Variants in MED12L observed in about 807,000 individuals in gnomAD.
MED12L encodes mediator of RNA polymerase II transcription subunit 12-like protein.
MED12L carries 60 observed loss-of-function variants against 281.3 expected under a neutral mutation model. That is an observed-to-expected ratio of 0.21 (90% CI 0.17 to 0.26). The LOEUF is 0.26. MED12L is among the 10% of genes least tolerant of loss of function. The pLI is 1.00. For synonymous variants in MED12L, 974 were observed against 987.2 expected, an observed-to-expected ratio of 0.99 and a Z score of 0.25; for missense variants, 2,146 against 2,680.9, an observed-to-expected ratio of 0.80 and a Z score of 4.41.
chr3:151,328,759 T>G (rs1382581297), intron 16 of MED12L: 1 of 1,613,838 alleles, frequency 6.2e-7, no homozygotes, highest in Non-Finnish European at 8.5e-7. Flanking sequence ...CAGAGAGGAT[T>G]TTGAAAGGAA....
chr3:151,315,809 A>T (rs6767266), intron 16 of MED12L, among the ~76,000 whole-genome samples: 1 of 152,112 alleles, frequency 6.6e-6, no homozygotes, highest in African/African-American at 2.4e-5. Context: ...ATATACCTAA[A>T]ATAAAAGCAG....
At chr3:151,149,775 G>T (rs1718209455) in intron 5 of MED12L, among the ~76,000 whole-genome samples, 1 of 152,200 alleles carries the variant, frequency 6.6e-6, no homozygotes, top group Non-Finnish European at 1.5e-5. Context: ...CAAATCCTTT[G>T]TTGTCATTTC....
Position 151,085,761 on chromosome 3 carries a change from G to C in MED12L, c.-305G>C, listed in dbSNP as rs942958809. 1 of 152,008 alleles carries C rather than the reference G, an allele frequency of 6.6e-6. No homozygotes were observed. The highest frequency in any genetic ancestry group is 6.5e-5 in the Admixed American group (1 of 15,268). 9.4% of individuals were successfully genotyped at this position (152,008 alleles called of 1,614,324 possible). A position where few individuals can be genotyped will look rare whatever the true frequency, so the allele number is the denominator to read the frequency against. On this transcript the variant is annotated 5_prime_UTR_variant, in exon 1 of 45. Coordinates refer to ENST00000687756, the MANE Select transcript of MED12L (RefSeq NM_001393769.1). ...CGCCGGCGGCGAGCCGGCGTCGCTC[G>C]CCGCCCCCAGACAGTGGCAAACTTC...
rs1231532079 is a variant in MED12L, at chr3:151,165,816, A to T, written c.1358-30A>T. 3 of 1,603,950 alleles carry T rather than the reference A, an allele frequency of 1.9e-6. No homozygotes were observed. The Admixed American group carries it at 5.2e-5, about 28-fold the overall frequency. On this transcript the variant is annotated intron_variant, in intron 10 of 44. Coordinates refer to ENST00000687756, the MANE Select transcript of MED12L (RefSeq NM_001393769.1). Reference sequence around the variant, plus strand: ...TTATAACTGTGTTATTTTTGGCCTCATTAACCACTTGTTTAATTTCTGCCT... The same window carrying T: ...TTATAACTGTGTTATTTTTGGCCTCTTTAACCACTTGTTTAATTTCTGCCT...
intron 20 of MED12L, among the ~76,000 whole-genome samples, chr3:151,358,726 G>A (rs1208385268): frequency 6.6e-6 from 1 of 152,050 alleles, no homozygotes; most frequent in East Asian, 1.9e-4. Flanking sequence ...TAAGTATTAT[G>A]CTTAAAACTA....
chr3:151,245,675 C>A (rs1310811755), intron 16 of MED12L, among the ~76,000 whole-genome samples: 2 of 127,376 alleles, frequency 1.6e-5, no homozygotes, highest in Non-Finnish European at 3.3e-5. Context: ...ACTGAATGGG[C>A]AAAAACTGGA....
chr3:151,092,567 A>G (rs898683194), intron 2 of MED12L, among the ~76,000 whole-genome samples: 3 of 152,238 alleles, frequency 2.0e-5, no homozygotes, highest in East Asian at 1.9e-4. Flanking sequence ...AACTCCTGTT[A>G]GTTTTCTTGT....
Position 151,432,947 on chromosome 3 carries a change from A to G in MED12L, c.*143A>G. On this transcript the variant is annotated 3_prime_UTR_variant, in exon 45 of 45. Transcript: ENST00000687756. ...TATTTTATGCTACATCTCACAAAAA[A>G]AAAAAAAGGTGTTTAAACAAAAAGC... 1.6e-6 allele frequency: 1 copy of G among 629,664 alleles called. No individual in the cohort carries two copies. The highest frequency in any genetic ancestry group is 2.6e-6 in the Non-Finnish European group (1 of 384,462). 39.0% of individuals were successfully genotyped at this position (629,664 alleles called of 1,614,324 possible).
chr3:151,291,503 G>C (rs1214008298), intron 16 of MED12L, among the ~76,000 whole-genome samples: 2 of 152,068 alleles, frequency 1.3e-5, no homozygotes, highest in African/African-American at 4.8e-5. Flanking sequence ...GAAATTCTCT[G>C]AATATGTTTC....
At chr3:151,279,534 G>A (rs1195648521) in intron 16 of MED12L, among the ~76,000 whole-genome samples, 1 of 152,194 alleles carries the variant, frequency 6.6e-6, no homozygotes, top group Non-Finnish European at 1.5e-5. Context: ...CTTGTTTAGA[G>A]AAGTTCGCCA....
chr3:151,358,839 C>T (rs754308459), intron 20 of MED12L, among the ~76,000 whole-genome samples: 1 of 152,160 alleles, frequency 6.6e-6, no homozygotes, highest in South Asian at 2.1e-4. Context: ...ACACTGACTA[C>T]TATACGATGG....
chr3:151,266,822 C>T (rs892116716), intron 16 of MED12L, among the ~76,000 whole-genome samples: 9 of 152,110 alleles, frequency 5.9e-5, no homozygotes, highest in African/African-American at 1.2e-4. Flanking sequence ...AGATGTCCTA[C>T]GAAGGGAAAA....
intron 16 of MED12L, chr3:151,328,806 T>C: frequency 6.2e-7 from 1 of 1,613,826 alleles, no homozygotes; most frequent in Non-Finnish European, 8.5e-7. Flanking sequence ...ACCAAAGTGT[T>C]TTTGAGGTAG....
At chr3:151,214,823 C>T (rs1343800809) in intron 16 of MED12L, among the ~76,000 whole-genome samples, 1 of 152,086 alleles carries the variant, frequency 6.6e-6, no homozygotes, top group African/African-American at 2.4e-5. Flanking sequence ...AAGGTAGTAA[C>T]TGTAAAAGCA....
chr3:151,205,009 T>G (rs1419466010), intron 16 of MED12L, among the ~76,000 whole-genome samples: 2 of 152,224 alleles, frequency 1.3e-5, no homozygotes, highest in African/African-American at 4.8e-5. Context: ...AATTAATCTT[T>G]TAATAGATGA....
chr3:151,424,839 C>G (rs1025235070), intron 43 of MED12L, among the ~76,000 whole-genome samples: 2 of 152,122 alleles, frequency 1.3e-5, no homozygotes, highest in African/African-American at 4.8e-5. Flanking sequence ...GACGGACGAC[C>G]ATGCTTCATT....
rs3732755 is a variant in MED12L at position 151,193,618 on chromosome 3, T to C, written c.2202T>C (p.Tyr734=). The C allele has an allele frequency of 0.034, 54,556 of 1,613,938 alleles. 3,509 individuals carry two copies. The highest frequency in any genetic ancestry group is 0.23 in the African/African-American group (17,267 of 74,984). Residue 734 remains tyrosine, a synonymous_variant, in exon 16 of 45, where the codon TAT becomes TAC. Transcript: ENST00000687756. ...GGGAATTAATTTTTCCATCTAATTA[T>C]GACCTCCTTCGCCACTTACAGTATG... ...KPRELIFPSN[Y]DLLRHLQYAT...
At chr3:151,130,235 A>G (rs12636173) in intron 5 of MED12L, among the ~76,000 whole-genome samples, 8,796 of 151,970 alleles carry the variant, frequency 0.058, 265 homozygotes, top group Middle Eastern at 0.092. Flanking sequence ...TCTTCCTGAC[A>G]TTTCTTCTTA....
intron 4 of MED12L, among the ~76,000 whole-genome samples, chr3:151,125,186 A>C (rs1488387987): frequency 6.6e-6 from 1 of 152,236 alleles, no homozygotes; most frequent in South Asian, 2.1e-4. Flanking sequence ...TACTTTAGTC[A>C]ATATAAACGT....
Sources: gnomAD v4.1 joint callset for allele counts (sites outside exome capture counted in the v4.1 genomes callset) on GRCh38, gnomAD v4.1.1 for gene constraint, MANE v1.5 for transcripts, NCBI Gene and HGNC (gene_info 2026-07-23, HGNC 2026-07-21) for gene names.